The following IL1RAPL1 variants were observed in gnomAD, a reference collection of about 807,000 sequenced individuals.
IL1RAPL1 encodes the protein interleukin-1 receptor accessory protein-like 1.
A neutral mutation model predicts 48.4 loss-of-function variants in IL1RAPL1; 3 were observed. That is an observed-to-expected ratio of 0.06 (90% CI 0.03 to 0.16). The LOEUF (loss-of-function observed/expected upper bound fraction) is 0.16. Ranked by LOEUF, IL1RAPL1 falls within the 10% of genes least tolerant of loss-of-function variation. The pLI, the probability that IL1RAPL1 is intolerant of heterozygous loss-of-function variation, is 1.00. For missense variants in IL1RAPL1, 349 were observed against 530.6 expected (o/e 0.66, Z 3.36); for synonymous variants, 185 against 187.7 (o/e 0.99, Z 0.12).
intron 5 of IL1RAPL1, among the ~76,000 whole-genome samples, chrX:29,431,645 TAGG>T (rs762468387): frequency 1.3e-3 from 143 of 111,959 alleles, no homozygotes; most frequent in African/African-American, 4.2e-3. Context: ...AATGCTTAAA[TAGG>T]AGAAAATATT....
At chrX:29,038,397 T>C (rs1478039051) in intron 2 of IL1RAPL1, among the ~76,000 whole-genome samples, 1 of 112,201 alleles carries the variant, frequency 8.9e-6, no homozygotes, top group East Asian at 2.8e-4. Flanking sequence ...AAACTATATA[T>C]ACAGCCATTT....
intron 2 of IL1RAPL1, among the ~76,000 whole-genome samples, chrX:28,933,389 G>A (rs1245593961): frequency 9.0e-6 from 1 of 111,605 alleles, no homozygotes; most frequent in East Asian, 2.8e-4. Flanking sequence ...AAAACACAGT[G>A]TAGAGTCACT....
At position 29,872,309 on chromosome X, in the gene IL1RAPL1, G is replaced by A. The variant is rs1046656904; in HGVS notation, c.779-45155G>A. On this transcript the variant is annotated intron_variant, in intron 6 of 10. Coordinates refer to ENST00000378993, the MANE Select transcript of IL1RAPL1 (RefSeq NM_014271.4). ...GAATATCATGTCAGGTAGCTTTTCA[G>A]CACTAAGCCTATAAATATCCTGCCT... is the stretch of plus-strand genomic sequence containing the variant. 2.8e-4 allele frequency among the ~76,000 whole-genome samples: 31 copies of A among 111,646 alleles called. 1 individual carries two copies. The highest frequency in any genetic ancestry group is 2.8e-4 in the Non-Finnish European group (15 of 53,153).
At chrX:29,454,304 C>T (rs1326559131) in intron 5 of IL1RAPL1, among the ~76,000 whole-genome samples, 2 of 112,106 alleles carry the variant, frequency 1.8e-5, no homozygotes, top group Non-Finnish European at 3.8e-5. Context: ...TGTCTGTGTA[C>T]TCCTTGAAAA....
At chrX:29,607,972 A>G (rs1025670700) in intron 5 of IL1RAPL1, among the ~76,000 whole-genome samples, 2 of 112,187 alleles carry the variant, frequency 1.8e-5, no homozygotes, top group African/African-American at 6.5e-5. Context: ...TGTTTCAATT[A>G]TCTATTGTCG....
chrX:28,711,641 A>G (rs1255122595), intron 1 of IL1RAPL1, among the ~76,000 whole-genome samples: 2 of 109,567 alleles, frequency 1.8e-5, no homozygotes, highest in East Asian at 2.8e-4. Flanking sequence ...GATTTATACC[A>G]TATTGATGAT....
rs186295762 is a variant in IL1RAPL1, at chrX:29,725,492, T to G, written c.778+56988T>G. ...CAGCTGGTAGAACACACGATCGGCCTCCTAACTAGATCAGTGCCCAATATC... is the reference window on the plus strand; with the variant it reads ...CAGCTGGTAGAACACACGATCGGCCGCCTAACTAGATCAGTGCCCAATATC... On this transcript the variant is annotated intron_variant, in intron 6 of 10. Transcript: ENST00000378993. 1.4e-4 allele frequency among the ~76,000 whole-genome samples: 16 copies of G among 111,590 alleles called. No individual in the cohort carries two copies. In the East Asian group the frequency reaches 4.3e-3, roughly 30 times the overall value.
chrX:29,138,899 G>T (rs1482348026), intron 2 of IL1RAPL1, among the ~76,000 whole-genome samples: 1 of 111,398 alleles, frequency 9.0e-6, no homozygotes, highest in African/African-American at 3.3e-5. Context: ...TTTGAATTAT[G>T]AAGGATATAT....
intron 9 of IL1RAPL1, among the ~76,000 whole-genome samples, chrX:29,954,199 G>A (rs1933369565): frequency 1.2e-5 from 1 of 82,827 alleles, no homozygotes; most frequent in Non-Finnish European, 2.1e-5. Context: ...TCACGCCACT[G>A]CACTCCAGCC....
At chrX:29,003,736 G>A (rs1318084108) in intron 2 of IL1RAPL1, among the ~76,000 whole-genome samples, 4 of 112,394 alleles carry the variant, frequency 3.6e-5, no homozygotes, top group Non-Finnish European at 7.5e-5. Context: ...TTACTTATAT[G>A]CTAATGTGAC....
chrX:29,468,706 T>A (rs1569318047), intron 5 of IL1RAPL1, among the ~76,000 whole-genome samples: 1 of 112,081 alleles, frequency 8.9e-6, no homozygotes, highest in African/African-American at 3.2e-5. Context: ...TCAAGATTAA[T>A]AATAGGTTAT....
At chrX:28,769,185 G>A (rs1403320929) in intron 1 of IL1RAPL1, among the ~76,000 whole-genome samples, 2 of 109,340 alleles carry the variant, frequency 1.8e-5, no homozygotes, top group African/African-American at 6.6e-5. Flanking sequence ...ATATATATAT[G>A]AGATTATATG....
intron 5 of IL1RAPL1, among the ~76,000 whole-genome samples, chrX:29,551,047 C>T (rs1420416736): frequency 8.9e-6 from 1 of 112,207 alleles, no homozygotes; most frequent in Non-Finnish European, 1.9e-5. Flanking sequence ...GTACCTCATA[C>T]AAGTGGAATT....
chrX:29,371,096 A>C (rs1933537709), intron 3 of IL1RAPL1, among the ~76,000 whole-genome samples: 1 of 104,233 alleles, frequency 9.6e-6, no homozygotes, highest in South Asian at 4.4e-4. Flanking sequence ...GCAATAGATC[A>C]CTAGAACTTA....
chrX:29,579,360 C>T (rs1338545125), intron 5 of IL1RAPL1, among the ~76,000 whole-genome samples: 2 of 111,577 alleles, frequency 1.8e-5, no homozygotes, highest in African/African-American at 6.5e-5. Flanking sequence ...TATAGATAGG[C>T]TTTGGCAGAT....
intron 1 of IL1RAPL1, among the ~76,000 whole-genome samples, chrX:28,647,014 A>G (rs1305313631): frequency 9.0e-6 from 1 of 111,427 alleles, no homozygotes; most frequent in African/African-American, 3.3e-5. Flanking sequence ...CCAAATGCTT[A>G]TTTGATAGCT....
intron 5 of IL1RAPL1, among the ~76,000 whole-genome samples, chrX:29,566,364 G>C (rs1273488238): frequency 1.8e-5 from 2 of 111,929 alleles, no homozygotes; most frequent in Non-Finnish European, 3.8e-5. Context: ...GGGAGGCTGA[G>C]ACCAGAAGAT....
At chrX:28,899,052 A>G (rs1923005960) in intron 2 of IL1RAPL1, among the ~76,000 whole-genome samples, 1 of 111,401 alleles carries the variant, frequency 9.0e-6, no homozygotes, top group Admixed American at 9.6e-5. Context: ...CTGTCTGGGG[A>G]GGCCTCAGGA....
chrX:29,127,239 G>C (rs1928916492), intron 2 of IL1RAPL1, among the ~76,000 whole-genome samples: 2 of 110,338 alleles, frequency 1.8e-5, no homozygotes, highest in African/African-American at 6.6e-5. Flanking sequence ...CAATTCAGTG[G>C]TGCTGAAACT....
Sources: gnomAD v4.1 joint callset for allele counts (sites outside exome capture counted in the v4.1 genomes callset) on GRCh38, gnomAD v4.1.1 for gene constraint, MANE v1.5 for transcripts, NCBI Gene and HGNC (gene_info 2026-07-23, HGNC 2026-07-21) for gene names.